PDSS2: variants seen among roughly 807,000 people sequenced by gnomAD.
PDSS2 encodes the protein decaprenyl diphosphate synthase subunit 2, also known as all trans-polyprenyl-diphosphate synthase PDSS2.
PDSS2 carries 31 observed loss-of-function variants against 44.5 expected under a neutral mutation model. The observed-to-expected ratio is 0.70, with a 90% CI of 0.52 to 0.94. The LOEUF (loss-of-function observed/expected upper bound fraction) is 0.94. PDSS2 is among the 40% of genes least tolerant of loss of function. The pLI, the probability that PDSS2 is intolerant of heterozygous loss-of-function variation, is 0.00. For missense variants in PDSS2, 452 were observed against 482.2 expected, an observed-to-expected ratio of 0.94 and a Z score of 0.59; for synonymous variants, 157 against 180.3, an observed-to-expected ratio of 0.87 and a Z score of 1.03.
At chr6:107,309,300 G>T (rs1312348551) in intron 2 of PDSS2, among the ~76,000 whole-genome samples, 1 of 152,244 alleles carries the variant, frequency 6.6e-6, no homozygotes, top group Non-Finnish European at 1.5e-5. Flanking sequence ...AATCAGAGTG[G>T]CCGTAACAGA....
intron 2 of PDSS2, among the ~76,000 whole-genome samples, chr6:107,286,822 T>C (rs2500556): frequency 0.77 from 117,610 of 152,002 alleles, 45,599 homozygotes; most frequent in South Asian, 0.88. Context: ...AGGTGGATCA[T>C]GAGGTCAAAA....
Position 107,296,434 on chromosome 6 carries a change from C to T in PDSS2, c.432-22207G>A, listed in dbSNP as rs150373548. ...TATTTTTGTATATAATGATTGAAAA[C>T]ACTGGACTCAATGGGGCATGGTGGC... On this transcript the variant is annotated intron_variant, in intron 2 of 7. Transcript: ENST00000369037. Among the ~76,000 whole-genome samples the T allele has an allele frequency of 7.2e-3, 1,101 of 152,152 alleles. 9 individuals carry two copies. The highest frequency in any genetic ancestry group is 0.013 in the Non-Finnish European group (855 of 67,978).
intron 6 of PDSS2, among the ~76,000 whole-genome samples, chr6:107,204,019 T>A (rs969949775): frequency 2.6e-5 from 4 of 151,836 alleles, no homozygotes; most frequent in African/African-American, 9.7e-5. Context: ...CGAGGCTCAC[T>A]GCAACCTCCG....
chr6:107,206,315 G>A (rs1216752110), intron 6 of PDSS2, among the ~76,000 whole-genome samples: 4 of 152,082 alleles, frequency 2.6e-5, no homozygotes, highest in African/African-American at 9.7e-5. Context: ...CAAGTGATCC[G>A]CCCACCTCGG....
chr6:107,401,969 C>A (rs1399647634), intron 1 of PDSS2, among the ~76,000 whole-genome samples: 1 of 151,932 alleles, frequency 6.6e-6, no homozygotes, highest in East Asian at 1.9e-4. Context: ...ATGGTGAAAC[C>A]CTGTCTCTAT....
At chr6:107,310,470 C>T (rs368917267) in intron 2 of PDSS2, among the ~76,000 whole-genome samples, 24 of 152,082 alleles carry the variant, frequency 1.6e-4, no homozygotes, top group South Asian at 2.1e-4. Context: ...TTACCTAGGA[C>T]GCTTTATCTG....
chr6:107,293,491 T>G (rs1776412654), intron 2 of PDSS2, among the ~76,000 whole-genome samples: 1 of 152,216 alleles, frequency 6.6e-6, no homozygotes, highest in African/African-American at 2.4e-5. Context: ...ATAGTGCTCA[T>G]GCTTTCTGCC....
chr6:107,191,488 G>A (rs1772377983), intron 7 of PDSS2, among the ~76,000 whole-genome samples: 1 of 152,152 alleles, frequency 6.6e-6, no homozygotes, highest in African/African-American at 2.4e-5. Context: ...TGACTGGTGG[G>A]ATGACAGTGC....
At chr6:107,307,517 T>C (rs917223769) in intron 2 of PDSS2, among the ~76,000 whole-genome samples, 26 of 152,088 alleles carry the variant, frequency 1.7e-4, no homozygotes, top group Non-Finnish European at 3.5e-4. Context: ...CTTCTACTTT[T>C]TAAGCCTTTT....
At chr6:107,345,274 C>T (rs1011811780) in intron 1 of PDSS2, among the ~76,000 whole-genome samples, 2 of 150,590 alleles carry the variant, frequency 1.3e-5, no homozygotes, top group South Asian at 4.3e-4. Flanking sequence ...ATCTGCCATT[C>T]AAATGCAAGA....
At chr6:107,429,327 G>A (rs1213192408) in intron 1 of PDSS2, among the ~76,000 whole-genome samples, 2 of 152,090 alleles carry the variant, frequency 1.3e-5, no homozygotes, top group Non-Finnish European at 2.9e-5. Context: ...ACAAGAACTT[G>A]TTGAAGAAGT....
chr6:107,301,455 T>C (rs750666835), intron 2 of PDSS2, among the ~76,000 whole-genome samples: 2 of 82,118 alleles, frequency 2.4e-5, no homozygotes, highest in Non-Finnish European at 5.7e-5. Flanking sequence ...TAATTTACAG[T>C]TCATTTGCAA....
intron 1 of PDSS2, among the ~76,000 whole-genome samples, chr6:107,415,336 G>A (rs1780624952): frequency 6.6e-6 from 1 of 151,820 alleles, no homozygotes; most frequent in Non-Finnish European, 1.5e-5. Flanking sequence ...GTTAATCATA[G>A]CACTAAAATG....
intron 1 of PDSS2, among the ~76,000 whole-genome samples, chr6:107,405,626 T>C (rs1475058764): frequency 6.6e-6 from 1 of 151,866 alleles, no homozygotes; most frequent in East Asian, 1.9e-4. Flanking sequence ...GGCGGGCGGA[T>C]CACGAGGTCA....
chr6:107,303,594 A>T (rs757761513), intron 2 of PDSS2, among the ~76,000 whole-genome samples: 3 of 152,236 alleles, frequency 2.0e-5, no homozygotes, highest in Non-Finnish European at 2.9e-5. Flanking sequence ...ATGGTACTAC[A>T]ACTTGCTTTA....
At chr6:107,364,239 G>A (rs990441567) in intron 1 of PDSS2, among the ~76,000 whole-genome samples, 2 of 152,218 alleles carry the variant, frequency 1.3e-5, no homozygotes, top group Admixed American at 1.3e-4. Context: ...TGCGCCGTGC[G>A]CTCGCATTCC....
chr6:107,282,863 C>T (rs866070870), intron 2 of PDSS2, among the ~76,000 whole-genome samples: 8 of 139,650 alleles, frequency 5.7e-5, no homozygotes, highest in African/African-American at 2.2e-4. Context: ...AACAAGACTC[C>T]GTCTCAAAAA....
chr6:107,297,870 C>T (rs752800276), intron 2 of PDSS2, among the ~76,000 whole-genome samples: 7 of 152,098 alleles, frequency 4.6e-5, no homozygotes, highest in Non-Finnish European at 1.0e-4. Context: ...CTCGGACACC[C>T]GAGTAGCTGG....
At chr6:107,393,532 G>A (rs943390747) in intron 1 of PDSS2, among the ~76,000 whole-genome samples, 1 of 152,096 alleles carries the variant, frequency 6.6e-6, no homozygotes, top group Non-Finnish European at 1.5e-5. Flanking sequence ...GGTTCATAGT[G>A]CTGTTCAGTC....
Sources: allele counts gnomAD v4.1 joint callset (sites outside exome capture counted in the v4.1 genomes callset), GRCh38; gene constraint gnomAD v4.1.1; transcripts MANE v1.5; gene names NCBI Gene and HGNC (gene_info 2026-07-23, HGNC 2026-07-21).